Variants in MOB3A observed in about 807,000 individuals in gnomAD.
MOB3A encodes the protein MOB LAK.
In MOB3A, 17 loss-of-function variants were observed where a neutral mutation model predicts 17.8. The ratio of observed to expected loss-of-function variants is 0.95; its 90% CI spans 0.65 to 1.43. The LOEUF is 1.43. MOB3A is among the 40% of genes most tolerant of loss of function. MOB3A has a pLI of 0.00. For synonymous variants in MOB3A, 124 were observed against 133.2 expected (o/e 0.93, Z 0.48); for missense variants, 333 against 310.8 (o/e 1.07, Z -0.54).
At chr19:2,087,880 C>T (rs529011464) in intron 1 of MOB3A, among the ~76,000 whole-genome samples, 4 of 152,320 alleles carry the variant, frequency 2.6e-5, no homozygotes, top group Admixed American at 6.5e-5. Flanking sequence ...AGGATCTGGG[C>T]TTGACTGGGC....
At position 2,078,219 on chromosome 19, in the gene MOB3A, GGA is replaced by G; in HGVS notation, c.340_341del (p.Ser114ArgfsTer58). 6.2e-7 allele frequency: 1 copy of G among 1,613,470 alleles called. No homozygotes were observed. The highest frequency in any genetic ancestry group is 1.1e-5 in the South Asian group (1 of 91,020). ...EHKFRKPTALSAPRYMDLLMD... is the reference protein window; with the variant it reads ...EHKFRKPTALXAPRYMDLLMD... ...TCAGCAGGTCCATGTACCTGGGCGC[GGA>G]GAGTGCCGTGGGCTTCCGGAACTTA... On this transcript the variant is annotated frameshift_variant, in exon 3 of 5. Transcript: ENST00000357066. LOFTEE classifies it high-confidence loss of function.
chr19:2,077,531 T>G (rs2017427658), intron 3 of MOB3A, among the ~76,000 whole-genome samples: 1 of 152,178 alleles, frequency 6.6e-6, no homozygotes, highest in Non-Finnish European at 1.5e-5. Context: ...CACATCGAGC[T>G]GGGCAGGGGG....
chr19:2,078,137 C>T lies in MOB3A; in HGVS notation c.421+3G>A, dbSNP rs371145068. ...CCCCGAGCCCCTGCCAGCTCTGACT[C>T]ACCAACGTTGGTGGGGAAGAGGTCC... On this transcript the variant is annotated splice_donor_region_variant and intron_variant, in intron 3 of 4. Transcript: ENST00000357066. 16 of 1,563,218 alleles carry T rather than the reference C, an allele frequency of 1.0e-5. No homozygotes were observed. In the East Asian group the frequency reaches 2.7e-4, roughly 27 times the overall value.
chr19:2,086,190 G>A (rs955491314), intron 1 of MOB3A, among the ~76,000 whole-genome samples: 29 of 150,450 alleles, frequency 1.9e-4, no homozygotes, highest in Admixed American at 3.3e-4. Flanking sequence ...ACAGGTGCCC[G>A]CTACAACGCC....
chr19:2,077,110 T>C (rs989700075), intron 3 of MOB3A, 97 bp from the exon 4 acceptor site: 8 of 1,140,098 alleles, frequency 7.0e-6, no homozygotes, highest in East Asian at 5.1e-5. Context: ...CAGACAGAAA[T>C]TGCTGGCAGA....
At chr19:2,076,229 G>A (rs931747877) in intron 4 of MOB3A, among the ~76,000 whole-genome samples, 1 of 150,810 alleles carries the variant, frequency 6.6e-6, no homozygotes, top group African/African-American at 2.4e-5. Context: ...GAGATCCATC[G>A]AGACAATCCT....
chr19:2,094,170 C>G (rs144683385), intron 1 of MOB3A, among the ~76,000 whole-genome samples: 1 of 152,000 alleles, frequency 6.6e-6, no homozygotes, highest in African/African-American at 2.4e-5. Context: ...CCTCAGCCTC[C>G]CGAGTAGCTG....
intron 1 of MOB3A, among the ~76,000 whole-genome samples, chr19:2,090,430 T>C (rs1599412346): frequency 6.6e-6 from 1 of 152,272 alleles, no homozygotes; most frequent in Middle Eastern, 3.4e-3. Flanking sequence ...CACCGGACGA[T>C]GTCTGGGGAC....
At chr19:2,083,200 T>C (rs1411335503) in intron 2 of MOB3A, among the ~76,000 whole-genome samples, 1 of 152,106 alleles carries the variant, frequency 6.6e-6, no homozygotes, top group Non-Finnish European at 1.5e-5. Flanking sequence ...CCTCAGACCC[T>C]CCCTGGGAAG....
intron 4 of MOB3A, among the ~76,000 whole-genome samples, chr19:2,074,642 T>C (rs567258446): frequency 6.6e-6 from 1 of 151,918 alleles, no homozygotes; most frequent in East Asian, 1.9e-4. Context: ...AACCTCCACC[T>C]CCTGGGTTCA....
intron 2 of MOB3A, among the ~76,000 whole-genome samples, chr19:2,084,409 G>A (rs2017527219): frequency 1.3e-5 from 2 of 151,508 alleles, no homozygotes; most frequent in Non-Finnish European, 2.9e-5. Flanking sequence ...CAGGAGAATC[G>A]CTTGAACCCA....
At chr19:2,090,931 G>C (rs1396318387) in intron 1 of MOB3A, among the ~76,000 whole-genome samples, 1 of 152,142 alleles carries the variant, frequency 6.6e-6, no homozygotes, top group Non-Finnish European at 1.5e-5. Context: ...CAAAGTGTTG[G>C]GATTACAGGC....
rs991584326 is a variant in MOB3A, at chr19:2,071,559, A to C, written c.*1836T>G. Reference sequence around the variant, plus strand: ...AGGCAGGAAGGACCACTGTGGTGAAAGGCCACTGACAATTCTGGTGAGGAG... The same window carrying C: ...AGGCAGGAAGGACCACTGTGGTGAACGGCCACTGACAATTCTGGTGAGGAG... On this transcript the variant is annotated 3_prime_UTR_variant, in exon 5 of 5. Transcript: ENST00000357066. 1 of 152,654 alleles carries C rather than the reference A, an allele frequency of 6.6e-6. No homozygotes were observed. 9.5% of individuals were successfully genotyped at this position (152,654 alleles called of 1,614,324 possible).
intron 1 of MOB3A, among the ~76,000 whole-genome samples, chr19:2,087,490 C>T (rs569094310): frequency 6.6e-6 from 1 of 152,096 alleles, no homozygotes. Flanking sequence ...CATCTCTGTA[C>T]GAAATAGTTA....
At chr19:2,076,123 C>CAAAA (rs771808104) in intron 4 of MOB3A, among the ~76,000 whole-genome samples, 4 of 34,368 alleles carry the variant, frequency 1.2e-4, no homozygotes, top group Non-Finnish European at 2.1e-4. Context: ...ACTCCATCTC[C>CAAAA]AAAAAAAAAA....
At chr19:2,083,202 C>T (rs1380624574) in intron 2 of MOB3A, among the ~76,000 whole-genome samples, 1 of 152,226 alleles carries the variant, frequency 6.6e-6, no homozygotes, top group Middle Eastern at 3.2e-3. Flanking sequence ...TCAGACCCTC[C>T]CTGGGAAGCC....
In MOB3A at chr19:2,073,017, G is replaced by A. The variant is rs999605885; in HGVS notation, c.*378C>T. 4.0e-5 allele frequency: 11 copies of A among 276,984 alleles called. No homozygotes were observed. Among genetic ancestry groups the A allele is most frequent in the Non-Finnish European group, 7.5e-5 (11 of 146,222 alleles). The allele number at this position is 276,984 out of a possible 1,614,324, so 17.2% of individuals were successfully genotyped here. A position where few individuals can be genotyped will look rare whatever the true frequency, so the allele number is the denominator to read the frequency against. ...GGGCTGTGGCCACAGCAGCCCTGGG[G>A]GCTCCCCAGCGAGGTGGAGGCAGAA... On this transcript the variant is annotated 3_prime_UTR_variant, in exon 5 of 5. Transcript: ENST00000357066.
chr19:2,086,423 T>C (rs1361724243), intron 1 of MOB3A, among the ~76,000 whole-genome samples: 1 of 149,438 alleles, frequency 6.7e-6, no homozygotes, highest in Non-Finnish European at 1.5e-5. Context: ...TGCAGTGGCG[T>C]GATCTCGGCT....
chr19:2,079,803 G>A (rs935969801), intron 2 of MOB3A, among the ~76,000 whole-genome samples: 4 of 152,220 alleles, frequency 2.6e-5, no homozygotes, highest in Non-Finnish European at 5.9e-5. Context: ...GCGAGATGCC[G>A]GGTGATTCCA....
Sources: allele counts gnomAD v4.1 joint callset (sites outside exome capture counted in the v4.1 genomes callset), GRCh38; gene constraint gnomAD v4.1.1; transcripts MANE v1.5; gene names NCBI Gene and HGNC (gene_info 2026-07-23, HGNC 2026-07-21).